Variants in CTNND2 observed in about 807,000 individuals in gnomAD.
CTNND2 encodes the protein catenin delta 2.
A neutral mutation model predicts 144.4 loss-of-function variants in CTNND2; 22 were observed. The observed-to-expected ratio is 0.15, with a 90% CI of 0.11 to 0.22. The LOEUF is 0.22. Ranked by LOEUF, CTNND2 falls within the 10% of genes least tolerant of loss-of-function variation. The pLI, the probability that CTNND2 is intolerant of heterozygous loss-of-function variation, is 1.00. For synonymous variants in CTNND2, 751 were observed against 695.6 expected, an observed-to-expected ratio of 1.08 and a Z score of -1.25; for missense variants, 1,353 against 1,618.8, an observed-to-expected ratio of 0.84 and a Z score of 2.82.
chr5:11,563,723 G>C (rs573062840), intron 3 of CTNND2, among the ~76,000 whole-genome samples: 2 of 151,918 alleles, frequency 1.3e-5, no homozygotes, highest in East Asian at 3.9e-4. Flanking sequence ...ACAACAGAGA[G>C]TGCAGTGCTT....
intron 11 of CTNND2, among the ~76,000 whole-genome samples, chr5:11,164,696 T>C (rs1254299658): frequency 6.6e-6 from 1 of 152,194 alleles, no homozygotes; most frequent in African/African-American, 2.4e-5. Context: ...GATCTTTTCA[T>C]GGCCAATACT....
At chr5:11,806,947 G>T (rs1400482882) in intron 1 of CTNND2, among the ~76,000 whole-genome samples, 1 of 152,012 alleles carries the variant, frequency 6.6e-6, no homozygotes, top group Non-Finnish European at 1.5e-5. Flanking sequence ...ATGGATCATA[G>T]GTGATTCTCT....
At chr5:10,997,225 A>G (rs145046409) in intron 18 of CTNND2, among the ~76,000 whole-genome samples, 1 of 152,282 alleles carries the variant, frequency 6.6e-6, no homozygotes, top group East Asian at 1.9e-4. Flanking sequence ...GAGCAGTCTT[A>G]CCAAAAACAC....
chr5:11,468,441 G>C (rs1766867364), intron 3 of CTNND2, among the ~76,000 whole-genome samples: 1 of 152,102 alleles, frequency 6.6e-6, no homozygotes, highest in South Asian at 2.1e-4. Context: ...AACTTACTCA[G>C]GATAAAAATT....
intron 1 of CTNND2, among the ~76,000 whole-genome samples, chr5:11,820,674 T>C (rs528979129): frequency 6.6e-6 from 1 of 152,214 alleles, no homozygotes; most frequent in Non-Finnish European, 1.5e-5. Context: ...TTTTCCTATA[T>C]GGACTGTAAA....
intron 15 of CTNND2, among the ~76,000 whole-genome samples, chr5:11,092,549 T>G (rs892887506): frequency 1.3e-5 from 2 of 152,164 alleles, no homozygotes; most frequent in African/African-American, 4.8e-5. Context: ...GTGGCCATGC[T>G]CCTCCCATCT....
chr5:11,304,365 T>C (rs577716879), intron 9 of CTNND2, among the ~76,000 whole-genome samples: 26 of 151,742 alleles, frequency 1.7e-4, no homozygotes, highest in African/African-American at 6.0e-4. Context: ...TTTGTATACA[T>C]TAATGTATTA....
intron 18 of CTNND2, among the ~76,000 whole-genome samples, chr5:11,016,282 C>T (rs1414361213): frequency 6.6e-6 from 1 of 152,176 alleles, no homozygotes. Context: ...AAACACACTT[C>T]CTCTTAGGGA....
intron 2 of CTNND2, among the ~76,000 whole-genome samples, chr5:11,696,509 G>A (rs1229793025): frequency 6.6e-6 from 1 of 152,166 alleles, no homozygotes; most frequent in Admixed American, 6.5e-5. Context: ...TTCTCCAGAG[G>A]AGGGCTACCC....
chr5:11,662,153 AT>A, intron 2 of CTNND2, among the ~76,000 whole-genome samples: 1 of 144,892 alleles, frequency 6.9e-6, no homozygotes, highest in South Asian at 2.1e-4. Context: ...ATACACATAT[AT>A]ATGTGTATAT....
chr5:11,744,619 G>A (rs1284914576), intron 1 of CTNND2, among the ~76,000 whole-genome samples: 1 of 152,180 alleles, frequency 6.6e-6, no homozygotes, highest in Non-Finnish European at 1.5e-5. Flanking sequence ...CACTGCCAGA[G>A]AAGAAAAGTG....
At chr5:11,521,397 G>C (rs1377942648) in intron 3 of CTNND2, among the ~76,000 whole-genome samples, 3 of 152,150 alleles carry the variant, frequency 2.0e-5, no homozygotes, top group Non-Finnish European at 4.4e-5. Context: ...AAGGGTTAGT[G>C]ATAGATAAGG....
At chr5:11,570,754 A>T (rs1390212705) in intron 2 of CTNND2, among the ~76,000 whole-genome samples, 1 of 151,170 alleles carries the variant, frequency 6.6e-6, no homozygotes, top group Non-Finnish European at 1.5e-5. Context: ...ATATTTTGTG[A>T]TCTATTTATT....
intron 3 of CTNND2, among the ~76,000 whole-genome samples, chr5:11,527,364 C>A (rs932465797): frequency 6.6e-6 from 1 of 152,130 alleles, no homozygotes; most frequent in Non-Finnish European, 1.5e-5. Context: ...CTCGTCCTTC[C>A]CTACTCATGC....
At chr5:10,994,721 C>T (rs936835147) in intron 18 of CTNND2, among the ~76,000 whole-genome samples, 6 of 151,872 alleles carry the variant, frequency 4.0e-5, no homozygotes, top group African/African-American at 7.3e-5. Flanking sequence ...ACTGAATAGG[C>T]GTGAGCAGGG....
chr5:10,989,739 C>T (rs1738450176), intron 19 of CTNND2, among the ~76,000 whole-genome samples: 1 of 152,194 alleles, frequency 6.6e-6, no homozygotes. Flanking sequence ...ATGCAGATCA[C>T]GTGGCTCTTC....
intron 2 of CTNND2, among the ~76,000 whole-genome samples, chr5:11,600,105 T>C (rs1012260114): frequency 3.9e-5 from 6 of 152,180 alleles, no homozygotes; most frequent in African/African-American, 7.2e-5. Context: ...CATTCCTCCA[T>C]CTACCATCTA....
At chr5:11,162,764 T>C (rs1047243671) in intron 11 of CTNND2, among the ~76,000 whole-genome samples, 1 of 152,052 alleles carries the variant, frequency 6.6e-6, no homozygotes, top group African/African-American at 2.4e-5. Context: ...TTAGATTACC[T>C]GGACATGAGA....
chr5:11,727,169 A>G (rs1787069448), intron 2 of CTNND2, among the ~76,000 whole-genome samples: 1 of 152,220 alleles, frequency 6.6e-6, no homozygotes, highest in African/African-American at 2.4e-5. Context: ...AAACAAATAC[A>G]CTTCAAATGC....
Sources: gnomAD v4.1 joint callset for allele counts (sites outside exome capture counted in the v4.1 genomes callset) on GRCh38, gnomAD v4.1.1 for gene constraint, MANE v1.5 for transcripts, NCBI Gene and HGNC (gene_info 2026-07-23, HGNC 2026-07-21) for gene names.